CAMTA1: variants seen among roughly 807,000 people sequenced by gnomAD.
CAMTA1 encodes calmodulin binding transcription activator 1.
In CAMTA1, 27 loss-of-function variants were observed where a neutral mutation model predicts 170.9. The observed-to-expected ratio is 0.16, with a 90% CI of 0.12 to 0.22. The LOEUF (loss-of-function observed/expected upper bound fraction) is 0.22. CAMTA1 is among the 10% of genes least tolerant of loss of function. The pLI is 1.00. For missense variants in CAMTA1, 1,619 were observed against 2,217.2 expected (o/e 0.73, Z 5.42); for synonymous variants, 833 against 891.5 (o/e 0.93, Z 1.17).
At chr1:7,097,873 G>A (rs1261022567) in intron 4 of CAMTA1, among the ~76,000 whole-genome samples, 1 of 152,242 alleles carries the variant, frequency 6.6e-6, no homozygotes, top group African/African-American at 2.4e-5. Flanking sequence ...TGGGGAGTTA[G>A]TGTTTAATGG....
chr1:7,392,542 A>G (rs1289372617), intron 5 of CAMTA1, among the ~76,000 whole-genome samples: 1 of 149,632 alleles, frequency 6.7e-6, no homozygotes, highest in South Asian at 2.3e-4. Flanking sequence ...GGCATGAGCC[A>G]CGGCACCCGG....
At chr1:6,859,393 G>A (rs895566577) in intron 3 of CAMTA1, among the ~76,000 whole-genome samples, 1 of 152,152 alleles carries the variant, frequency 6.6e-6, no homozygotes, top group Non-Finnish European at 1.5e-5. Flanking sequence ...ATTGGTTGTC[G>A]TCATATTTTG....
At chr1:7,383,429 T>C (rs1021815008) in intron 5 of CAMTA1, among the ~76,000 whole-genome samples, 1 of 152,162 alleles carries the variant, frequency 6.6e-6, no homozygotes, top group East Asian at 1.9e-4. Context: ...TTCAAACCGG[T>C]TAAAACCCTG....
At chr1:7,045,557 T>C (rs780363960) in intron 3 of CAMTA1, among the ~76,000 whole-genome samples, 12 of 152,232 alleles carry the variant, frequency 7.9e-5, no homozygotes, top group South Asian at 2.1e-4. Context: ...TTTATTCCAT[T>C]AGAGCCGTTA....
At position 7,547,191 on chromosome 1, in the gene CAMTA1, G is replaced by A. The variant is rs762836448; in HGVS notation, c.510+79290G>A. Among the ~76,000 whole-genome samples the A allele has an allele frequency of 3.3e-5, 5 of 152,068 alleles. No homozygotes were observed. The highest frequency in any genetic ancestry group is 5.9e-5 in the Non-Finnish European group (4 of 68,020). Reference sequence around the variant, plus strand: ...TTGCTTTCTGAACAAGATGTTCCAGGCATATCTTGTACTTTCCTGAAATCA... The same window carrying A: ...TTGCTTTCTGAACAAGATGTTCCAGACATATCTTGTACTTTCCTGAAATCA... On this transcript the variant is annotated intron_variant, in intron 6 of 22. Coordinates refer to ENST00000303635, the MANE Select transcript of CAMTA1 (RefSeq NM_015215.4). This position sits in a 1 kb window ranked among gnomAD's most constrained non-coding sequence, Gnocchi z 5.7.
At chr1:6,953,753 AT>A (rs1688941166) in intron 3 of CAMTA1, among the ~76,000 whole-genome samples, 1 of 151,182 alleles carries the variant, frequency 6.6e-6, no homozygotes, top group Non-Finnish European at 1.5e-5. Context: ...TGTTCATTCA[AT>A]TTTTTTCTTT....
intron 4 of CAMTA1, among the ~76,000 whole-genome samples, chr1:7,104,006 C>T (rs1012764679): frequency 2.1e-4 from 29 of 136,970 alleles, no homozygotes; most frequent in African/African-American, 9.8e-4. Context: ...ATGAACACAA[C>T]ACACTACACA....
intron 3 of CAMTA1, among the ~76,000 whole-genome samples, chr1:6,853,908 A>G (rs1424850046): frequency 1.3e-5 from 2 of 152,232 alleles, no homozygotes; most frequent in Admixed American, 1.3e-4. Flanking sequence ...CTCAAAATAC[A>G]TAAAGCAAGA....
intron 1 of CAMTA1, among the ~76,000 whole-genome samples, chr1:6,794,320 T>C (rs1373460344): frequency 6.6e-6 from 1 of 152,194 alleles, no homozygotes; most frequent in Non-Finnish European, 1.5e-5. Flanking sequence ...AAGAGAAGGA[T>C]TTTTTTATTG....
chr1:7,091,204 C>T (rs1641425716), intron 3 of CAMTA1, 100 bp from the exon 4 acceptor site: 2 of 794,326 alleles, frequency 2.5e-6, no homozygotes, highest in African/African-American at 1.7e-5. Flanking sequence ...TCCAGGCTCG[C>T]AAATGAAAAC....
chr1:7,488,659 A>G (rs569198684), intron 6 of CAMTA1, among the ~76,000 whole-genome samples: 1 of 152,322 alleles, frequency 6.6e-6, no homozygotes, highest in East Asian at 1.9e-4. Context: ...ATATGTGCAC[A>G]CATATAAACA....
At chr1:6,955,355 T>G (rs1368821590) in intron 3 of CAMTA1, among the ~76,000 whole-genome samples, 1 of 152,172 alleles carries the variant, frequency 6.6e-6, no homozygotes, top group African/African-American at 2.4e-5. Context: ...CTTAGGAAGC[T>G]AGGGGCTGCA....
At chr1:7,121,029 A>C (rs887339979) in intron 4 of CAMTA1, among the ~76,000 whole-genome samples, 1 of 152,250 alleles carries the variant, frequency 6.6e-6, no homozygotes, top group Non-Finnish European at 1.5e-5. Context: ...CAATTCTGCC[A>C]GTGGTATCTA....
intron 3 of CAMTA1, among the ~76,000 whole-genome samples, chr1:6,961,529 C>T (rs905373080): frequency 6.6e-6 from 1 of 151,708 alleles, no homozygotes; most frequent in African/African-American, 2.4e-5. Context: ...CACCCTGGGC[C>T]CAGTGGCAGC....
At chr1:7,599,597 G>T (rs939045592) in intron 6 of CAMTA1, among the ~76,000 whole-genome samples, 1 of 152,106 alleles carries the variant, frequency 6.6e-6, no homozygotes, top group Non-Finnish European at 1.5e-5. Context: ...CCATTTGTTT[G>T]TACCCTCTTT....
chr1:7,505,835 G>T (rs552246467), intron 6 of CAMTA1, among the ~76,000 whole-genome samples: 26 of 152,256 alleles, frequency 1.7e-4, no homozygotes, highest in African/African-American at 6.3e-4. Flanking sequence ...GGTCACCTGG[G>T]GTACAGGAGC....
intron 6 of CAMTA1, among the ~76,000 whole-genome samples, chr1:7,501,353 C>G (rs535224409): frequency 6.6e-6 from 1 of 152,158 alleles, no homozygotes. Flanking sequence ...CCTTTGTTCC[C>G]GGGATCTCCG....
intron 5 of CAMTA1, among the ~76,000 whole-genome samples, chr1:7,294,815 G>C (rs534180912): frequency 1.4e-3 from 204 of 150,806 alleles, no homozygotes; most frequent in Non-Finnish European, 9.3e-4. Context: ...AAGTCTCAGA[G>C]AGACTCTCCG....
intron 5 of CAMTA1, among the ~76,000 whole-genome samples, chr1:7,427,496 T>G (rs2091924267): frequency 6.6e-6 from 1 of 152,152 alleles, no homozygotes; most frequent in Admixed American, 6.5e-5. Context: ...AATGTGAAGA[T>G]TTAGTACGGG....
Sources: allele counts gnomAD v4.1 joint callset (sites outside exome capture counted in the v4.1 genomes callset), GRCh38; gene constraint gnomAD v4.1.1; non-coding constraint Gnocchi (gnomAD v3.1); transcripts MANE v1.5; gene names NCBI Gene and HGNC (gene_info 2026-07-23, HGNC 2026-07-21).